The following MCTP1 variants were observed in gnomAD, a reference collection of about 807,000 sequenced individuals.
MCTP1 encodes the protein multiple C2 and transmembrane domain-containing protein 1.
Under a neutral mutation model 120.6 loss-of-function variants are expected in MCTP1, and 69 were observed. The observed-to-expected ratio is 0.57, with a 90% CI of 0.47 to 0.70. The LOEUF (loss-of-function observed/expected upper bound fraction) is 0.70. Among genes scored for constraint, MCTP1 ranks in the 30% least tolerant of loss-of-function variants. The pLI is 0.00. For missense variants in MCTP1, 1,203 were observed against 1,248.8 expected (o/e 0.96, Z 0.55); for synonymous variants, 529 against 493.1 (o/e 1.07, Z -0.96).
At chr5:94,756,291 CTCTACTGCCTCAAGAAG>C (rs1328936557) in intron 19 of MCTP1, among the ~76,000 whole-genome samples, 1 of 152,206 alleles carries the variant, frequency 6.6e-6, no homozygotes, top group Non-Finnish European at 1.5e-5. Context: ...AACCACTATG[CTCTACTGCCTCAAGAAG>C]TCTTCAGTGA....
At chr5:94,921,556 T>G (rs1437539886) in intron 7 of MCTP1, among the ~76,000 whole-genome samples, 1 of 152,236 alleles carries the variant, frequency 6.6e-6, no homozygotes, top group African/African-American at 2.4e-5. Context: ...ATTTTGCATA[T>G]CTGAAAATGT....
rs115130715 is a variant in MCTP1, at chr5:94,873,534, C to T, written c.1934-293G>A. On this transcript the variant is annotated intron_variant, in intron 12 of 22. Transcript: ENST00000515393. The stretch of plus-strand genomic sequence containing the variant: ...TTTAAAGCAAAAATAATTCTATAAC[C>T]GGCAATTATGATGGAGAATGTGATG... 5.4e-3 allele frequency among the ~76,000 whole-genome samples: 826 copies of T among 151,846 alleles called. 7 individuals are homozygous for T. Among genetic ancestry groups the T allele is most frequent in the Admixed American group, 5.4e-3 (83 of 15,244 alleles).
At chr5:95,279,929 A>G (rs1035741020) in intron 1 of MCTP1, among the ~76,000 whole-genome samples, 4 of 152,116 alleles carry the variant, frequency 2.6e-5, no homozygotes, top group Non-Finnish European at 5.9e-5. Context: ...AGCTACTAAC[A>G]TTGTTTTAGG....
intron 1 of MCTP1, among the ~76,000 whole-genome samples, chr5:95,198,074 T>C (rs1468411538): frequency 6.6e-6 from 1 of 152,122 alleles, no homozygotes; most frequent in East Asian, 1.9e-4. Flanking sequence ...ATTTCACAGA[T>C]GCGGAATCCA....
chr5:94,842,370 A>G (rs927709152), intron 17 of MCTP1, among the ~76,000 whole-genome samples: 8 of 152,206 alleles, frequency 5.3e-5, no homozygotes, highest in Non-Finnish European at 1.0e-4. Flanking sequence ...CTGGGTCTAT[A>G]GATTGTGACT....
chr5:94,888,736 C>CAAATATTTCT (rs1315785310), intron 12 of MCTP1, 143 bp downstream of exon 12: 4 of 525,548 alleles, frequency 7.6e-6, no homozygotes, highest in African/African-American at 1.9e-5. Flanking sequence ...AGGGGGTTGG[C>CAAATATTTCT]AAATATTTCT....
intron 10 of MCTP1, among the ~76,000 whole-genome samples, chr5:94,904,369 C>T (rs7713402): frequency 0.29 from 44,452 of 152,046 alleles, 7,129 homozygotes; most frequent in African/African-American, 0.41. Context: ...ATATGAACCA[C>T]CCCTGCTACC....
intron 1 of MCTP1, among the ~76,000 whole-genome samples, chr5:95,282,093 T>C (rs1760369406): frequency 6.6e-6 from 1 of 152,236 alleles, no homozygotes; most frequent in Non-Finnish European, 1.5e-5. Context: ...AGGGTTAAAC[T>C]ATGTAGGGCT....
chr5:94,954,066 A>ATG (rs1320828376), intron 2 of MCTP1, among the ~76,000 whole-genome samples: 1 of 98,756 alleles, frequency 1.0e-5, no homozygotes, highest in Non-Finnish European at 1.9e-5. Flanking sequence ...ACAAATATAT[A>ATG]TGCATATATA....
intron 1 of MCTP1, among the ~76,000 whole-genome samples, chr5:95,194,138 C>A (rs547392303): frequency 6.6e-6 from 1 of 151,964 alleles, no homozygotes; most frequent in Non-Finnish European, 1.5e-5. Flanking sequence ...ATAGCTTGAG[C>A]CCAGGAGTCT....
chr5:95,091,661 T>C (rs1755853787), intron 1 of MCTP1, among the ~76,000 whole-genome samples: 1 of 152,170 alleles, frequency 6.6e-6, no homozygotes, highest in African/African-American at 2.4e-5. Flanking sequence ...GCTTTCACAG[T>C]TTGTCCCACA....
intron 7 of MCTP1, among the ~76,000 whole-genome samples, chr5:94,919,694 T>C (rs1486554624): frequency 6.6e-6 from 1 of 152,208 alleles, no homozygotes; most frequent in Non-Finnish European, 1.5e-5. Flanking sequence ...AATGACTGTT[T>C]TGTGCTGCAA....
intron 13 of MCTP1, among the ~76,000 whole-genome samples, chr5:94,872,410 G>A (rs1209445328): frequency 3.3e-5 from 5 of 151,896 alleles, no homozygotes. Flanking sequence ...ATTAGTTACC[G>A]GTTCTTAAGC....
intron 9 of MCTP1, among the ~76,000 whole-genome samples, chr5:94,912,223 G>A (rs901735123): frequency 4.2e-4 from 63 of 151,744 alleles, no homozygotes; most frequent in African/African-American, 1.5e-3. Flanking sequence ...TCAGGAGATC[G>A]AGACCATCCT....
In MCTP1 at chr5:94,714,763, T is replaced by G; in HGVS notation, c.2720+14A>C. The G allele has an allele frequency of 1.4e-6, 2 of 1,440,160 alleles. No individual in the cohort carries two copies. Among genetic ancestry groups the G allele is most frequent in the Non-Finnish European group, 2.0e-6 (2 of 1,021,030 alleles). 89.2% of individuals were successfully genotyped at this position (1,440,160 alleles called of 1,614,324 possible). A position where few individuals can be genotyped will look rare whatever the true frequency, so the allele number is the denominator to read the frequency against. ...CCCACAGAAGAATGGGGCTCACAGGTCACCGTCACTCACTTCTTTATCCTT... is the reference window on the plus strand; with the variant it reads ...CCCACAGAAGAATGGGGCTCACAGGGCACCGTCACTCACTTCTTTATCCTT... On this transcript the variant is annotated intron_variant, in intron 20 of 22. Coordinates refer to ENST00000515393, the MANE Select transcript of MCTP1 (RefSeq NM_024717.7).
chr5:95,230,097 T>A (rs534354046), intron 1 of MCTP1, among the ~76,000 whole-genome samples: 1 of 152,074 alleles, frequency 6.6e-6, no homozygotes, highest in Non-Finnish European at 1.5e-5. Context: ...TACCTTTCTT[T>A]AGTTAACAAA....
In MCTP1 at chr5:94,709,711, A is replaced by T. The variant is rs555438995; in HGVS notation, c.2831-1102T>A. On this transcript the variant is annotated intron_variant, in intron 21 of 22. Transcript: ENST00000515393. ...CCTTATATAATGAAAGTGCTGTCTA[A>T]ATTGAATATCTTTGAATTATAGAAA... 4 of 152,268 alleles carry T rather than the reference A, an allele frequency of 2.6e-5. No individual in the cohort carries two copies. The South Asian group carries it at 8.3e-4, about 32-fold the overall frequency. 9.4% of individuals were successfully genotyped at this position (152,268 alleles called of 1,614,324 possible). A position where few individuals can be genotyped will look rare whatever the true frequency, so the allele number is the denominator to read the frequency against.
chr5:94,742,319 T>A (rs2152755442), intron 19 of MCTP1, among the ~76,000 whole-genome samples: 1 of 152,326 alleles, frequency 6.6e-6, no homozygotes, highest in South Asian at 2.1e-4. Context: ...CCTCCCAAAG[T>A]ACTGGGATTA....
At chr5:95,236,050 A>C (rs1755511301) in intron 1 of MCTP1, among the ~76,000 whole-genome samples, 1 of 152,244 alleles carries the variant, frequency 6.6e-6, no homozygotes, top group Non-Finnish European at 1.5e-5. Flanking sequence ...AATTCTAAAC[A>C]CAGTAAAGTT....
Sources: gnomAD v4.1 joint callset for allele counts (sites outside exome capture counted in the v4.1 genomes callset) on GRCh38, gnomAD v4.1.1 for gene constraint, MANE v1.5 for transcripts, NCBI Gene and HGNC (gene_info 2026-07-23, HGNC 2026-07-21) for gene names.